The following CYP2B6 variants were observed in gnomAD, a reference collection of about 807,000 sequenced individuals.
CYP2B6 encodes cytochrome P450 family 2 subfamily B member 6.
A neutral mutation model predicts 43.4 loss-of-function variants in CYP2B6; 35 were observed. The observed-to-expected ratio is 0.81, with a 90% confidence interval of 0.62 to 1.07. The LOEUF is 1.07. Ranked by LOEUF, CYP2B6 falls within the 50% of genes least tolerant of loss-of-function variation. CYP2B6 has a pLI of 0.00. For synonymous variants in CYP2B6, 239 were observed against 239.2 expected, an observed-to-expected ratio of 1.00 and a Z score of 0.01; for missense variants, 624 against 632.8, an observed-to-expected ratio of 0.99 and a Z score of 0.15.
chr19:40,996,471 C>T (rs1281181295), intron 1 of CYP2B6, among the ~76,000 whole-genome samples: 1 of 152,074 alleles, frequency 6.6e-6, no homozygotes, highest in African/African-American at 2.4e-5. Flanking sequence ...AACCAGAAAA[C>T]ATGCAATGAA....
chr19:41,003,401 T>G (rs1417936065), intron 1 of CYP2B6, among the ~76,000 whole-genome samples: 1 of 152,058 alleles, frequency 6.6e-6, no homozygotes, highest in Non-Finnish European at 1.5e-5. Flanking sequence ...GTGAGAGATA[T>G]CATCATCCTA....
chr19:41,004,411 C>A lies in CYP2B6; in HGVS notation c.449C>A (p.Ala150Asp), dbSNP rs368809408. 6 of 1,613,712 alleles carry A rather than the reference C, an allele frequency of 3.7e-6. No homozygotes were observed. The highest frequency in any genetic ancestry group is 5.1e-6 in the Non-Finnish European group (6 of 1,179,980). The change falls in exon 3 of 9, where the codon GCT becomes GAT. Residue 150 changes from alanine (A) to aspartate (D), a missense_variant. Coordinates refer to ENST00000324071, the MANE Select transcript of CYP2B6 (RefSeq NM_000767.5). ...RSVEERIQEE[A>D]QCLIEELRKS... Reference sequence around the variant, plus strand: ...GTGGAGGAGCGGATTCAGGAGGAGGCTCAGTGTCTGATAGAGGAGCTTCGG... The same window carrying A: ...GTGGAGGAGCGGATTCAGGAGGAGGATCAGTGTCTGATAGAGGAGCTTCGG...
At chr19:41,010,581 T>C (rs1298852262) in intron 6 of CYP2B6, among the ~76,000 whole-genome samples, 1 of 151,880 alleles carries the variant, frequency 6.6e-6, no homozygotes, top group East Asian at 1.9e-4. Flanking sequence ...ACCCGGCTAA[T>C]TTTTTGTGTT....
intron 1 of CYP2B6, among the ~76,000 whole-genome samples, chr19:40,998,151 T>A (rs1169372902): frequency 6.6e-6 from 1 of 152,010 alleles, no homozygotes; most frequent in Non-Finnish European, 1.5e-5. Context: ...TAGGAACGTG[T>A]GTATAGGTTT....
rs950930688 is a variant in CYP2B6, at chr19:40,991,562, C to A, written c.171+86C>A. On this transcript the variant is annotated intron_variant, in intron 1 of 8. Coordinates refer to ENST00000324071, the MANE Select transcript of CYP2B6 (RefSeq NM_000767.5). ...GCTTCACCAAACAGAATGAGGCAGA[C>A]TTCCAGAGTCAGGGGTGGCACGGGC... 6.1e-6 allele frequency: 9 copies of A among 1,481,092 alleles called. No individual in the cohort carries two copies. The African/African-American group carries it at 1.2e-4, about 21-fold the overall frequency. 91.7% of individuals were successfully genotyped at this position (1,481,092 alleles called of 1,614,324 possible).
At chr19:40,994,952 G>T (rs770426579) in intron 1 of CYP2B6, among the ~76,000 whole-genome samples, 7 of 152,216 alleles carry the variant, frequency 4.6e-5, no homozygotes, top group Admixed American at 3.9e-4. Context: ...TTCTCATTGG[G>T]AACATGAAGA....
In CYP2B6 at chr19:41,017,674, A is replaced by G. The variant is rs1969391410; in HGVS notation, c.*847A>G. The G allele has an allele frequency of 6.6e-6, 1 of 151,992 alleles. No individual in the cohort carries two copies. Among genetic ancestry groups the G allele is most frequent in the Non-Finnish European group, 1.5e-5 (1 of 68,016 alleles). 9.4% of individuals were successfully genotyped at this position (151,992 alleles called of 1,614,324 possible). A position where few individuals can be genotyped will look rare whatever the true frequency, so the allele number is the denominator to read the frequency against. On this transcript the variant is annotated 3_prime_UTR_variant, in exon 9 of 9. Coordinates refer to ENST00000324071, the MANE Select transcript of CYP2B6 (RefSeq NM_000767.5). Reference sequence around the variant, plus strand: ...TAGGTGGTCTTGAACTCCTGATGTCAGGTGATTCTCCTAGCTCCAAATGTT... The same window carrying G: ...TAGGTGGTCTTGAACTCCTGATGTCGGGTGATTCTCCTAGCTCCAAATGTT...
chr19:40,992,066 G>C (rs1354692483), intron 1 of CYP2B6, among the ~76,000 whole-genome samples: 2 of 151,986 alleles, frequency 1.3e-5, no homozygotes, highest in Non-Finnish European at 2.9e-5. Flanking sequence ...GCTGGGCATA[G>C]TGATGCGTGC....
At chr19:40,992,372 A>T (rs1225979029) in intron 1 of CYP2B6, among the ~76,000 whole-genome samples, 2 of 152,112 alleles carry the variant, frequency 1.3e-5, no homozygotes, top group Non-Finnish European at 2.9e-5. Flanking sequence ...TGTCACCATC[A>T]TAATGGACTT....
chr19:40,995,094 T>C (rs888450582), intron 1 of CYP2B6, among the ~76,000 whole-genome samples: 5 of 152,146 alleles, frequency 3.3e-5, no homozygotes, highest in African/African-American at 1.2e-4. Flanking sequence ...TCACAGATTA[T>C]AGTCCTATGG....
At chr19:41,011,560 A>C (rs1373093159) in intron 6 of CYP2B6, among the ~76,000 whole-genome samples, 2 of 152,200 alleles carry the variant, frequency 1.3e-5, no homozygotes, top group African/African-American at 4.8e-5. Flanking sequence ...CCAGTTGTTC[A>C]TGAATTCATC....
At chr19:41,008,636 G>C (rs923500185) in intron 4 of CYP2B6, among the ~76,000 whole-genome samples, 1 of 151,388 alleles carries the variant, frequency 6.6e-6, no homozygotes, top group Non-Finnish European at 1.5e-5. Flanking sequence ...TCTGGAAGGA[G>C]ACCCACCAGA....
At chr19:41,000,865 C>G (rs918653447) in intron 1 of CYP2B6, among the ~76,000 whole-genome samples, 6 of 151,956 alleles carry the variant, frequency 3.9e-5, no homozygotes, top group African/African-American at 1.2e-4. Flanking sequence ...ATGGAGAAAC[C>G]CTGTCTGTAC....
chr19:41,007,380 G>A (rs1343220387), intron 4 of CYP2B6: 3 of 381,618 alleles, frequency 7.9e-6, no homozygotes, highest in Non-Finnish European at 1.5e-5. Context: ...GAGTTGATGA[G>A]AATGAGTGTG....
rs1460396438 is a variant in CYP2B6, at chr19:41,010,008, A to G, written c.837A>G (p.Ala279=). The G allele has an allele frequency of 2.5e-6, 4 of 1,614,106 alleles. No homozygotes were observed. Among genetic ancestry groups the G allele is most frequent in the Non-Finnish European group, 2.5e-6 (3 of 1,180,022 alleles). Residue 279 remains alanine (A), a synonymous_variant, in exon 6 of 9, where the codon GCA becomes GCG. Coordinates refer to ENST00000324071, the MANE Select transcript of CYP2B6 (RefSeq NM_000767.5). Reference sequence around the variant, plus strand: ...TGTGGACGCAGGAGAAATCCAACGCACACAGTGAATTCAGCCACCAGAACC... The same window carrying G: ...TGTGGACGCAGGAGAAATCCAACGCGCACAGTGAATTCAGCCACCAGAACC... ...LLHMEKEKSN[A]HSEFSHQNLN...
chr19:40,995,856 A>C (rs1968992688), intron 1 of CYP2B6, among the ~76,000 whole-genome samples: 1 of 152,162 alleles, frequency 6.6e-6, no homozygotes, highest in Non-Finnish European at 1.5e-5. Context: ...AAAAAGGTTC[A>C]GGAGAGTTTA....
chr19:41,007,119 C>T (rs886191757), intron 4 of CYP2B6, 54 bp downstream of exon 4: 1 of 1,557,086 alleles, frequency 6.4e-7, no homozygotes, highest in African/African-American at 1.4e-5. Context: ...ACACCCAGAA[C>T]ACACGAGAAA....
intron 1 of CYP2B6, among the ~76,000 whole-genome samples, chr19:41,000,325 C>T (rs1297191493): frequency 6.6e-6 from 1 of 152,126 alleles, no homozygotes; most frequent in African/African-American, 2.4e-5. Flanking sequence ...ACAAGGAAGG[C>T]CTGTGAGGTA....
At position 40,991,410 on chromosome 19, in the gene CYP2B6, C is replaced by T; in HGVS notation, c.105C>T (p.Arg35=). Residue 35 remains arginine (R), a synonymous_variant, in exon 1 of 9, where the codon CGC becomes CGT. Coordinates refer to ENST00000324071, the MANE Select transcript of CYP2B6 (RefSeq NM_000767.5). Reference sequence around the variant, plus strand: ...ATGACCGCCTCCCACCAGGGCCCCGCCCTCTGCCCCTTTTGGGAAACCTTC... The same window carrying T: ...ATGACCGCCTCCCACCAGGGCCCCGTCCTCTGCCCCTTTTGGGAAACCTTC... ...NTHDRLPPGP[R]PLPLLGNLLQ... 2 of 1,614,044 alleles carry T rather than the reference C, an allele frequency of 1.2e-6. No individual in the cohort carries two copies. Among genetic ancestry groups the T allele is most frequent in the South Asian group, 1.1e-5 (1 of 91,068 alleles).
Sources: allele counts gnomAD v4.1 joint callset (sites outside exome capture counted in the v4.1 genomes callset), GRCh38; gene constraint gnomAD v4.1.1; transcripts MANE v1.5; gene names NCBI Gene and HGNC (gene_info 2026-07-23, HGNC 2026-07-21).